Variants in ADRA1A observed in about 807,000 individuals in gnomAD.
ADRA1A encodes alpha-1A adrenergic receptor.
In ADRA1A, 31 loss-of-function variants were observed where a neutral mutation model predicts 29.6. The ratio of observed to expected loss-of-function variants is 1.05; its 90% CI spans 0.79 to 1.41. ADRA1A has a LOEUF of 1.41. Ranked by LOEUF, ADRA1A falls within the 40% of genes most tolerant of loss-of-function variation. The pLI is 0.00. For synonymous variants in ADRA1A, 311 were observed against 254.3 expected, an observed-to-expected ratio of 1.22 and a Z score of -2.12; for missense variants, 619 against 601.1, an observed-to-expected ratio of 1.03 and a Z score of -0.31.
At chr8:26,797,449 A>C (rs1563260271) in intron 2 of ADRA1A, among the ~76,000 whole-genome samples, 1 of 151,914 alleles carries the variant, frequency 6.6e-6, no homozygotes, top group East Asian at 1.9e-4. Context: ...GGCATGAGCC[A>C]CCATGCCTGG....
Position 26,834,616 on chromosome 8 carries a change from A to G in ADRA1A, c.883+29471T>C, listed in dbSNP as rs182195512. On this transcript the variant is annotated intron_variant, in intron 2 of 2. Coordinates refer to ENST00000380573, the MANE Select transcript of ADRA1A (RefSeq NM_000680.4). ...GTTATTTAGCCTTGTAGAGCACAGC[A>G]ATCTCCACGTAGATCCCACCAGCCC... 1.1e-4 allele frequency among the ~76,000 whole-genome samples: 17 copies of G among 152,316 alleles called. No individual in the cohort carries two copies. The East Asian group carries it at 3.3e-3, about 29-fold the overall frequency.
Position 26,863,221 on chromosome 8 carries a change from G to T in ADRA1A, c.883+866C>A, listed in dbSNP as rs577107080. 2.0e-5 allele frequency among the ~76,000 whole-genome samples: 3 copies of T among 152,308 alleles called. No homozygotes were observed. In the South Asian group the frequency reaches 6.2e-4, roughly 32 times the overall value. On this transcript the variant is annotated intron_variant, in intron 2 of 2. Transcript: ENST00000380573. ...TAAAAATAGCACACAACCATTTTGG[G>T]ATCTCATTGAAGGAGATAGATGTCT... is the stretch of plus-strand genomic sequence containing the variant.
chr8:26,794,950 G>T (rs1808092418), intron 2 of ADRA1A, among the ~76,000 whole-genome samples: 1 of 152,104 alleles, frequency 6.6e-6, no homozygotes, highest in Non-Finnish European at 1.5e-5. Context: ...ATTAAGATGT[G>T]TATCCTGTGT....
In ADRA1A at chr8:26,770,197, G is replaced by C. The variant is rs773895990; in HGVS notation, c.1353C>G (p.Thr451=). The change falls in exon 3 of 3, where the codon ACC becomes ACG. Residue 451 remains threonine (T), a synonymous_variant. Coordinates refer to ENST00000380573, the MANE Select transcript of ADRA1A (RefSeq NM_000680.4). ...PSLDKNHQVP[T]IKVHTISLSE... is the part of the protein sequence containing the mutation. ...TGAGGGAGATGGTGTGGACCTTAAT[G>C]GTTGGAACTTGATGGTTCTTGTCAA... 6.3e-7 allele frequency: 1 copy of C among 1,594,834 alleles called. No individual in the cohort carries two copies. The highest frequency in any genetic ancestry group is 1.3e-5 in the African/African-American group (1 of 74,538).
chr8:26,852,385 A>C (rs1164733807), intron 2 of ADRA1A, among the ~76,000 whole-genome samples: 3 of 152,176 alleles, frequency 2.0e-5, no homozygotes, highest in Admixed American at 2.0e-4. Context: ...AAATCTCTAG[A>C]GATTACATTA....
At position 26,805,163 on chromosome 8, in the gene ADRA1A, C is replaced by T. The variant is rs1233127771; in HGVS notation, c.884-34497G>A. Among the ~76,000 whole-genome samples the T allele has an allele frequency of 2.0e-5, 3 of 152,112 alleles. No homozygotes were observed. The highest frequency in any genetic ancestry group is 4.4e-5 in the Non-Finnish European group (3 of 68,014). ...CCTAAAACGTCAGTTATATTGTGTC[C>T]CACTGTGACGACCAAGAATGGGGCT... is the stretch of plus-strand genomic sequence containing the variant. On this transcript the variant is annotated intron_variant, in intron 2 of 2. Coordinates refer to ENST00000380573, the MANE Select transcript of ADRA1A (RefSeq NM_000680.4). The surrounding 1 kb of genome is among the most constrained non-coding windows in gnomAD (Gnocchi z 4.8).
chr8:26,823,926 G>A lies in ADRA1A; in HGVS notation c.883+40161C>T, dbSNP rs551280589. Among the ~76,000 whole-genome samples the A allele has an allele frequency of 6.6e-6, 1 of 152,216 alleles. No individual in the cohort carries two copies. The highest frequency in any genetic ancestry group is 2.1e-4 in the South Asian group (1 of 4,826). ...GCCTTTCTTTGGGTCTTTGTTCCAC[G>A]CTATGTTACTCTGGGCTCATTTAGA... On this transcript the variant is annotated intron_variant, in intron 2 of 2. Coordinates refer to ENST00000380573, the MANE Select transcript of ADRA1A (RefSeq NM_000680.4). The surrounding 1 kb of genome is among the most constrained non-coding windows in gnomAD (Gnocchi z 4.2).
intron 2 of ADRA1A, among the ~76,000 whole-genome samples, chr8:26,789,099 C>T (rs896951732): frequency 6.6e-6 from 1 of 151,994 alleles, no homozygotes; most frequent in Non-Finnish European, 1.5e-5. Flanking sequence ...CCCCATTCCC[C>T]TTTTCCCCCC....
At chr8:26,857,773 C>G (rs1235755289) in intron 2 of ADRA1A, among the ~76,000 whole-genome samples, 3 of 152,210 alleles carry the variant, frequency 2.0e-5, no homozygotes, top group African/African-American at 7.2e-5. Context: ...CCCTTTGTAC[C>G]TGCAGTGAAG....
At chr8:26,836,670 T>A (rs1319698483) in intron 2 of ADRA1A, among the ~76,000 whole-genome samples, 1 of 152,230 alleles carries the variant, frequency 6.6e-6, no homozygotes, top group Non-Finnish European at 1.5e-5. Context: ...GTTGGTCTGG[T>A]AGTTCTTTCT....
chr8:26,786,896 CA>C (rs35345834), intron 2 of ADRA1A, among the ~76,000 whole-genome samples: 51,260 of 151,894 alleles, frequency 0.34, 9,971 homozygotes, highest in East Asian at 0.84. Context: ...GTGCCTGGTA[CA>C]TTGTAGTTGT....
intron 2 of ADRA1A, among the ~76,000 whole-genome samples, chr8:26,794,403 C>T (rs554415762): frequency 1.3e-5 from 2 of 152,168 alleles, no homozygotes; most frequent in African/African-American, 4.8e-5. Flanking sequence ...AATTGTGGTT[C>T]ATGAATCTTG....
chr8:26,854,422 G>GT, intron 2 of ADRA1A: 1 of 112,624 alleles, frequency 8.9e-6, no homozygotes, highest in African/African-American at 3.3e-5. Flanking sequence ...TTAAAGCGGG[G>GT]CGGGGGGGGG....
At chr8:26,776,462 A>C (rs1806556968) in intron 2 of ADRA1A, among the ~76,000 whole-genome samples, 1 of 152,228 alleles carries the variant, frequency 6.6e-6, no homozygotes, top group Non-Finnish European at 1.5e-5. Context: ...GAAGACTGGC[A>C]GGCACTTAGA....
intron 2 of ADRA1A, among the ~76,000 whole-genome samples, chr8:26,856,589 C>T (rs949974128): frequency 9.2e-5 from 14 of 152,158 alleles, no homozygotes; most frequent in Admixed American, 3.3e-4. Flanking sequence ...CTAAAGTCTT[C>T]GCACGTTCTC....
At chr8:26,765,932 GC>G, downstream of ADRA1A, 1 of 1,498,320 alleles carries the variant, frequency 6.7e-7, no homozygotes, top group Non-Finnish European at 8.9e-7. Flanking sequence ...AACCTACTGG[GC>G]CAGAAGGTTG....
intron 2 of ADRA1A, chr8:26,835,994 G>T: frequency 6.0e-6 from 1 of 166,964 alleles, no homozygotes. Flanking sequence ...ATCTTTCCAG[G>T]AAATGTGCCT....
rs1810304977 is a variant in ADRA1A, at chr8:26,823,190, G to A, written c.883+40897C>T. 6.6e-6 allele frequency among the ~76,000 whole-genome samples: 1 copy of A among 152,190 alleles called. No homozygotes were observed. The highest frequency in any genetic ancestry group is 2.4e-5 in the African/African-American group (1 of 41,444). Reference sequence around the variant, plus strand: ...AAAAAATGGGGGAGGGCAGTGTCATGAAGCAAAATATGTGGCTAGCCTTTC... The same window carrying A: ...AAAAAATGGGGGAGGGCAGTGTCATAAAGCAAAATATGTGGCTAGCCTTTC... On this transcript the variant is annotated intron_variant, in intron 2 of 2. Transcript: ENST00000380573. This position sits in a 1 kb window ranked among gnomAD's most constrained non-coding sequence, Gnocchi z 4.2.
At chr8:26,760,392 GA>G (rs1464441380) in intron 2 of ADRA1A, among the ~76,000 whole-genome samples, 8 of 152,150 alleles carry the variant, frequency 5.3e-5, no homozygotes, top group Non-Finnish European at 1.0e-4. Flanking sequence ...TCGAAATTAA[GA>G]GAGCTTTTAG....
Sources: allele counts gnomAD v4.1 joint callset (sites outside exome capture counted in the v4.1 genomes callset), GRCh38; gene constraint gnomAD v4.1.1; non-coding constraint Gnocchi (gnomAD v3.1); transcripts MANE v1.5; gene names NCBI Gene and HGNC (gene_info 2026-07-23, HGNC 2026-07-21).